Variants in RBM20 observed in about 807,000 individuals in gnomAD.
RBM20 encodes the protein RNA-binding protein 20.
In RBM20, 51 loss-of-function variants were observed where a neutral mutation model predicts 110.1. The observed-to-expected ratio is 0.46, with a 90% CI of 0.37 to 0.59. The LOEUF (loss-of-function observed/expected upper bound fraction) is 0.59. Ranked by LOEUF, RBM20 falls within the 20% of genes least tolerant of loss-of-function variation. The pLI is 0.00. For missense variants in RBM20, 1,512 were observed against 1,574.9 expected (o/e 0.96, Z 0.68); for synonymous variants, 589 against 618.2 (o/e 0.95, Z 0.70).
chr10:110,698,543 A>C (rs1862705592), intron 1 of RBM20, among the ~76,000 whole-genome samples: 1 of 152,204 alleles, frequency 6.6e-6, no homozygotes, highest in African/African-American at 2.4e-5. Flanking sequence ...CGTTCTGGAC[A>C]GTGTCATGTG....
intron 2 of RBM20, among the ~76,000 whole-genome samples, 200 bp from the exon 3 acceptor site, chr10:110,783,166 G>A (rs1031447240): frequency 6.6e-6 from 1 of 152,122 alleles, no homozygotes; most frequent in African/African-American, 2.4e-5. Context: ...AGGAGCTGAT[G>A]GAGCAAAGGC....
chr10:110,798,761 T>C (rs1554900958), intron 6 of RBM20, among the ~76,000 whole-genome samples: 1 of 152,184 alleles, frequency 6.6e-6, no homozygotes, highest in Non-Finnish European at 1.5e-5. Context: ...TTTAAGGAAA[T>C]GAGAGAGTCA....
At chr10:110,714,144 C>T (rs1214648417) in intron 1 of RBM20, among the ~76,000 whole-genome samples, 1 of 152,150 alleles carries the variant, frequency 6.6e-6, no homozygotes, top group Admixed American at 6.5e-5. Context: ...CCTGAGTAGA[C>T]ACTTGAGCCT....
chr10:110,683,268 G>A (rs1862448440), intron 1 of RBM20, among the ~76,000 whole-genome samples: 1 of 152,210 alleles, frequency 6.6e-6, no homozygotes, highest in Non-Finnish European at 1.5e-5. Context: ...TCATGAACTT[G>A]TTAATGGCAG....
At chr10:110,662,800 C>T (rs1056611746) in intron 1 of RBM20, among the ~76,000 whole-genome samples, 3 of 152,148 alleles carry the variant, frequency 2.0e-5, no homozygotes, top group African/African-American at 7.2e-5. Flanking sequence ...TAAAGGATCG[C>T]CCTCCTTCCT....
chr10:110,707,410 G>T (rs1862857847), intron 1 of RBM20, among the ~76,000 whole-genome samples: 1 of 152,152 alleles, frequency 6.6e-6, no homozygotes, highest in African/African-American at 2.4e-5. Context: ...AGTTAATCAA[G>T]ATCAAGCTAA....
intron 1 of RBM20, among the ~76,000 whole-genome samples, chr10:110,681,572 G>A (rs1475102627): frequency 2.0e-5 from 3 of 152,220 alleles, no homozygotes; most frequent in African/African-American, 7.2e-5. Context: ...GGTTGAGGCT[G>A]GCCTAGAAAT....
chr10:110,644,505 G>A lies in RBM20; in HGVS notation c.51G>A (p.Glu17=). 6.6e-7 allele frequency: 1 copy of A among 1,526,434 alleles called. No homozygotes were observed. Among genetic ancestry groups the A allele is most frequent in the Non-Finnish European group, 8.8e-7 (1 of 1,140,528 alleles). The allele number at this position is 1,526,434 out of a possible 1,614,324, so 94.6% of individuals were successfully genotyped here. A position where few individuals can be genotyped will look rare whatever the true frequency, so the allele number is the denominator to read the frequency against. The change falls in exon 1 of 14, where the codon GAG becomes GAA. Residue 17 remains glutamate (E), a synonymous_variant. Transcript: ENST00000369519. This position sits in a 1 kb window ranked among gnomAD's most constrained non-coding sequence, Gnocchi z 4.3. ...AGGACGCGGACCCCAGCGGTCCGGA[G>A]CAGCCGGACAGAGTTGCCTGCAGTG... is the stretch of plus-strand genomic sequence containing the variant. ...MSQDADPSGP[E]QPDRVACSVP...
At chr10:110,710,423 C>A (rs1337240665) in intron 1 of RBM20, among the ~76,000 whole-genome samples, 1 of 152,214 alleles carries the variant, frequency 6.6e-6, no homozygotes, top group African/African-American at 2.4e-5. Context: ...GGAGGTAGGC[C>A]CTGCTGCCAG....
At chr10:110,670,505 A>T (rs545904043) in intron 1 of RBM20, among the ~76,000 whole-genome samples, 1 of 152,276 alleles carries the variant, frequency 6.6e-6, no homozygotes, top group East Asian at 1.9e-4. Flanking sequence ...CACCATCATT[A>T]TGATTTGTGG....
intron 1 of RBM20, among the ~76,000 whole-genome samples, chr10:110,741,557 A>C (rs1297594943): frequency 6.6e-6 from 1 of 151,804 alleles, no homozygotes; most frequent in Admixed American, 6.6e-5. Context: ...CCCCATGTCC[A>C]CTCACCAAGT....
rs1377286580 is a variant in RBM20, at chr10:110,685,157, C to T, written c.191+40512C>T. ...GCTGCCGAGGATCAGCACTTTCACA[C>T]GCGACCTTACGCATTCCTTGTCATC... On this transcript the variant is annotated intron_variant, in intron 1 of 13. Coordinates refer to ENST00000369519, the MANE Select transcript of RBM20 (RefSeq NM_001134363.3). 2.6e-5 allele frequency among the ~76,000 whole-genome samples: 4 copies of T among 152,224 alleles called. No homozygotes were observed. The East Asian group carries it at 7.7e-4, about 29-fold the overall frequency.
intron 1 of RBM20, among the ~76,000 whole-genome samples, chr10:110,658,861 C>T (rs1247841055): frequency 1.3e-5 from 2 of 152,118 alleles, no homozygotes; most frequent in African/African-American, 4.8e-5. Flanking sequence ...CTCACCTCTT[C>T]CAGGGAGCTT....
intron 1 of RBM20, among the ~76,000 whole-genome samples, chr10:110,777,718 C>T (rs1342788248): frequency 2.6e-5 from 4 of 152,234 alleles, no homozygotes; most frequent in Non-Finnish European, 5.9e-5. Flanking sequence ...CCCTTCCTCA[C>T]GTGTCCTTTC....
intron 5 of RBM20, among the ~76,000 whole-genome samples, chr10:110,786,447 T>A (rs1052390654): frequency 6.6e-6 from 1 of 152,234 alleles, no homozygotes; most frequent in South Asian, 2.1e-4. Context: ...TGGTTCATGA[T>A]GAGACGTGAG....
chr10:110,673,293 C>G (rs1200804069), intron 1 of RBM20, among the ~76,000 whole-genome samples: 1 of 152,032 alleles, frequency 6.6e-6, no homozygotes, highest in Non-Finnish European at 1.5e-5. Context: ...CTCACAGCAA[C>G]CTCTGCTTCT....
chr10:110,792,220 T>G (rs936407752), intron 5 of RBM20, among the ~76,000 whole-genome samples: 7 of 152,146 alleles, frequency 4.6e-5, no homozygotes, highest in Non-Finnish European at 1.5e-5. Context: ...CTGTGCATTT[T>G]CCCCTAAATC....
Position 110,781,088 on chromosome 10 carries a change from C to G in RBM20, c.479C>G (p.Pro160Arg). 6.4e-7 allele frequency: 1 copy of G among 1,551,980 alleles called. No individual in the cohort carries two copies. The highest frequency in any genetic ancestry group is 8.7e-7 in the Non-Finnish European group (1 of 1,147,052). ...GTTCCCCAACATGCTGCAGCCATAC[C>G]CAGTACCCGGTTTCCCTCTAATGCA... ...AGVPQHAAAIPSTRFPSNAIA... is the reference protein window; with the variant it reads ...AGVPQHAAAIRSTRFPSNAIA... The change falls in exon 2 of 14, where the codon CCC becomes CGC. Residue 160 changes from proline to arginine, a missense_variant. Transcript: ENST00000369519.
At chr10:110,762,146 T>C (rs1844013159) in intron 1 of RBM20, among the ~76,000 whole-genome samples, 1 of 152,240 alleles carries the variant, frequency 6.6e-6, no homozygotes. Context: ...GCTTTGACAC[T>C]TTAGGTGAGG....
Sources: allele counts gnomAD v4.1 joint callset (sites outside exome capture counted in the v4.1 genomes callset), GRCh38; gene constraint gnomAD v4.1.1; non-coding constraint Gnocchi (gnomAD v3.1); transcripts MANE v1.5; gene names NCBI Gene and HGNC (gene_info 2026-07-23, HGNC 2026-07-21).